Variants in TENM2 observed in about 807,000 individuals in gnomAD.
TENM2 encodes teneurin transmembrane protein 2.
In TENM2, 52 loss-of-function variants were observed where a neutral mutation model predicts 245.2. The ratio of observed to expected loss-of-function variants is 0.21; its 90% CI spans 0.17 to 0.27. The LOEUF is 0.27. Ranked by LOEUF, TENM2 falls within the 10% of genes least tolerant of loss-of-function variation. TENM2 has a pLI of 1.00. For synonymous variants in TENM2, 1,363 were observed against 1,438.9 expected, an observed-to-expected ratio of 0.95 and a Z score of 1.19; for missense variants, 3,046 against 3,666.8, an observed-to-expected ratio of 0.83 and a Z score of 4.37.
intron 5 of TENM2, among the ~76,000 whole-genome samples, chr5:168,035,747 T>C (rs1787607967): frequency 6.6e-6 from 1 of 152,114 alleles, no homozygotes; most frequent in Non-Finnish European, 1.5e-5. Flanking sequence ...CCTCTGAGGT[T>C]TCGTCCTAAC....
At chr5:167,767,276 C>T (rs1228232465) in intron 2 of TENM2, among the ~76,000 whole-genome samples, 1 of 152,094 alleles carries the variant, frequency 6.6e-6, no homozygotes, top group African/African-American at 2.4e-5. Context: ...CGATATTATG[C>T]CAATTGAAAA....
chr5:166,990,379 T>C, the TENM2 span, among the ~76,000 whole-genome samples: 2 of 152,228 alleles, frequency 1.3e-5, no homozygotes, highest in Non-Finnish European at 2.9e-5. Flanking sequence ...CTTTCAGTCC[T>C]TGGATGTTAC....
rs540155445 is a variant in TENM2, at chr5:167,698,084, T to G, written c.503-177902T>G. Among the ~76,000 whole-genome samples the G allele has an allele frequency of 3.3e-5, 5 of 152,314 alleles. No individual in the cohort carries two copies. The South Asian group carries it at 8.3e-4, about 25-fold the overall frequency. On this transcript the variant is annotated intron_variant, in intron 2 of 28. Coordinates refer to ENST00000518659, the Ensembl canonical transcript of TENM2. ...CAAATGCCACAGAGAGAAATTTATC[T>G]TTTCCTTTACTCATTGTATGCACTG...
At chr5:167,786,816 C>G (rs1349610285) in intron 2 of TENM2, among the ~76,000 whole-genome samples, 2 of 152,164 alleles carry the variant, frequency 1.3e-5, no homozygotes, top group African/African-American at 4.8e-5. Flanking sequence ...CTTTGTTGGG[C>G]CACATCTCAG....
chr5:167,927,675 T>G (rs1384041901), intron 3 of TENM2, among the ~76,000 whole-genome samples: 1 of 152,172 alleles, frequency 6.6e-6, no homozygotes, highest in East Asian at 1.9e-4. Context: ...TATTTTTGTT[T>G]CTTTATTTAA....
At chr5:167,884,644 T>G (rs548044614) in intron 3 of TENM2, among the ~76,000 whole-genome samples, 23 of 152,352 alleles carry the variant, frequency 1.5e-4, no homozygotes, top group African/African-American at 5.0e-4. Context: ...ATTTTGTTTA[T>G]TCACTCCTCC....
At chr5:168,185,979 T>C (rs1760390213) in intron 13 of TENM2, 1 of 42,028 alleles carries the variant, frequency 2.4e-5, no homozygotes, top group Non-Finnish European at 4.5e-5. Flanking sequence ...AATTTATATA[T>C]ATATATATAT....
chr5:167,991,191 G>C (rs1051028421), intron 4 of TENM2, among the ~76,000 whole-genome samples: 1 of 152,184 alleles, frequency 6.6e-6, no homozygotes, highest in Non-Finnish European at 1.5e-5. Flanking sequence ...AAACTAAGTA[G>C]CACCTACTGA....
At chr5:168,126,901 A>G in exon 12 of TENM2, 1 of 1,609,156 alleles carries the variant, frequency 6.2e-7, no homozygotes, top group Non-Finnish European at 8.5e-7. Flanking sequence ...GGCAAATGTG[A>G]ATGCCGAGAG....
the TENM2 span, among the ~76,000 whole-genome samples, chr5:167,172,614 T>TG: frequency 6.9e-6 from 1 of 144,636 alleles, no homozygotes; most frequent in African/African-American, 2.8e-5. Flanking sequence ...TTTTTCTTTC[T>TG]CATTTTCATC....
chr5:167,289,344 C>G (rs1002776060), intron 1 of TENM2, among the ~76,000 whole-genome samples: 3 of 152,170 alleles, frequency 2.0e-5, no homozygotes, highest in African/African-American at 7.2e-5. Context: ...TCAGCCAGCC[C>G]TCTTATTCCT....
intron 2 of TENM2, among the ~76,000 whole-genome samples, chr5:167,409,020 TATC>T (rs1322701342): frequency 2.0e-5 from 3 of 151,550 alleles, no homozygotes; most frequent in African/African-American, 4.8e-5. Context: ...TTTAGGGTAT[TATC>T]ATTTAATATA....
chr5:168,179,935 T>C (rs965378285), intron 13 of TENM2, among the ~76,000 whole-genome samples: 2 of 152,226 alleles, frequency 1.3e-5, no homozygotes, highest in African/African-American at 4.8e-5. Flanking sequence ...TTCCATTGTC[T>C]TGCTGACGCC....
chr5:167,161,540 T>C, the TENM2 span, among the ~76,000 whole-genome samples: 1 of 152,220 alleles, frequency 6.6e-6, no homozygotes, highest in Non-Finnish European at 1.5e-5. Context: ...AGCATATATT[T>C]TTTAAAGTAA....
At chr5:167,283,996 G>A (rs1187363194), upstream of TENM2, among the ~76,000 whole-genome samples, 2 of 151,924 alleles carry the variant, frequency 1.3e-5, no homozygotes, top group Non-Finnish European at 2.9e-5. Context: ...GGGTATCCCA[G>A]CAATGAAGGT....
intron 2 of TENM2, among the ~76,000 whole-genome samples, chr5:167,668,159 A>C (rs188499324): frequency 1.3e-4 from 20 of 152,112 alleles, no homozygotes; most frequent in African/African-American, 4.3e-4. Flanking sequence ...GAATGTGTAT[A>C]CTCTACCCTC....
intron 2 of TENM2, among the ~76,000 whole-genome samples, chr5:167,419,418 G>A (rs1326894065): frequency 6.6e-6 from 1 of 152,134 alleles, no homozygotes; most frequent in South Asian, 2.1e-4. Flanking sequence ...CTGAGATGGT[G>A]CCACCGCACT....
chr5:167,133,362 G>A, the TENM2 span, among the ~76,000 whole-genome samples: 7 of 152,142 alleles, frequency 4.6e-5, no homozygotes, highest in African/African-American at 1.7e-4. Flanking sequence ...TCACAGACAG[G>A]CATTGCTCAG....
upstream of TENM2, among the ~76,000 whole-genome samples, chr5:167,281,055 AG>A (rs1480871993): frequency 2.0e-5 from 3 of 152,024 alleles, no homozygotes; most frequent in Non-Finnish European, 4.4e-5. Context: ...TTTAAAGATA[AG>A]AATCCAGATT....
Sources: gnomAD v4.1 joint callset for allele counts (sites outside exome capture counted in the v4.1 genomes callset) on GRCh38, gnomAD v4.1.1 for gene constraint, MANE v1.5 for transcripts, NCBI Gene and HGNC (gene_info 2026-07-23, HGNC 2026-07-21) for gene names.